THRAP3: variants seen among roughly 807,000 people sequenced by gnomAD.
THRAP3 encodes the protein thyroid hormone receptor associated protein 3, also known as thyroid hormone receptor-associated protein 3.
THRAP3 carries 16 observed loss-of-function variants against 101.0 expected under a neutral mutation model. The observed-to-expected ratio is 0.16, with a 90% CI of 0.11 to 0.24. THRAP3 has a LOEUF of 0.24. Among genes scored for constraint, THRAP3 ranks in the 10% least tolerant of loss-of-function variants. The pLI, the probability that THRAP3 is intolerant of heterozygous loss-of-function variation, is 1.00. For missense variants in THRAP3, 989 were observed against 1,202.7 expected (o/e 0.82, Z 2.63); for synonymous variants, 407 against 422.6 (o/e 0.96, Z 0.45).
intron 9 of THRAP3, among the ~76,000 whole-genome samples, chr1:36,297,603 C>T (rs1354659287): frequency 6.6e-6 from 1 of 151,816 alleles, no homozygotes; most frequent in Non-Finnish European, 1.5e-5. Flanking sequence ...TGCCCACTAC[C>T]ACGCCCAGCT....
At chr1:36,248,833 G>A (rs1286357962) in intron 1 of THRAP3, among the ~76,000 whole-genome samples, 2 of 151,954 alleles carry the variant, frequency 1.3e-5, no homozygotes, top group Non-Finnish European at 2.9e-5. Context: ...CCATGTACCA[G>A]GCATTGCGTT....
chr1:36,277,719 G>C (rs1270271213), intron 2 of THRAP3, among the ~76,000 whole-genome samples: 1 of 152,040 alleles, frequency 6.6e-6, no homozygotes, highest in Non-Finnish European at 1.5e-5. Flanking sequence ...AAAACCAAAT[G>C]AGTTTTTAGA....
chr1:36,293,792 A>G, intron 7 of THRAP3, 59 bp from the exon 8 acceptor site: 3 of 1,420,630 alleles, frequency 2.1e-6, no homozygotes, highest in South Asian at 2.4e-5. Context: ...GAGCTAGAAT[A>G]TTACCAGTAT....
At chr1:36,252,897 ACT>A (rs1645320304) in intron 1 of THRAP3, among the ~76,000 whole-genome samples, 1 of 141,462 alleles carries the variant, frequency 7.1e-6, no homozygotes, top group East Asian at 2.1e-4. Flanking sequence ...ACAGAGTGAG[ACT>A]CTGTCTCAAA....
rs1262743883 is a variant in THRAP3, at chr1:36,289,555, C to T, written c.1536C>T (p.His512=). 1 of 1,614,034 alleles carries T rather than the reference C, an allele frequency of 6.2e-7. No homozygotes were observed. Among genetic ancestry groups the T allele is most frequent in the Non-Finnish European group, 8.5e-7 (1 of 1,179,996 alleles). ...GGGGCAAGAGAAGCGAAGGTGGGCA[C>T]AGGGGCTTTGTGCCTGAGAAGAATT... is the stretch of plus-strand genomic sequence containing the variant. The part of the protein sequence containing the change: ...EDRGKRSEGG[H]RGFVPEKNFR... Residue 512 remains histidine (H), a synonymous_variant, in exon 5 of 12, where the codon CAC becomes CAT. Coordinates refer to ENST00000354618, the MANE Select transcript of THRAP3 (RefSeq NM_005119.4).
chr1:36,296,801 T>C, intron 9 of THRAP3, 31 bp downstream of exon 9: 1 of 1,518,570 alleles, frequency 6.6e-7, no homozygotes, highest in Non-Finnish European at 8.8e-7. Flanking sequence ...CCTTCCAGAC[T>C]CTTAAGTTTC....
the THRAP3 span, among the ~76,000 whole-genome samples, chr1:36,210,703 GTATATATATATATATATATATATATATA>G: frequency 3.7e-4 from 1 of 2,734 alleles, no homozygotes; most frequent in Non-Finnish European, 5.5e-4. Context: ...AAAAAAAAAA[GTATATATATATATATATATATATATATA>G]TATATCATAT....
At chr1:36,285,323 G>A (rs1645781728) in intron 3 of THRAP3, among the ~76,000 whole-genome samples, 1 of 152,194 alleles carries the variant, frequency 6.6e-6, no homozygotes, top group Non-Finnish European at 1.5e-5. Flanking sequence ...AGTGGTTAAT[G>A]TCAATGATCT....
upstream of THRAP3, among the ~76,000 whole-genome samples, chr1:36,222,233 T>C (rs900145416): frequency 6.6e-6 from 1 of 152,066 alleles, no homozygotes; most frequent in Non-Finnish European, 1.5e-5. Flanking sequence ...TATTAAAGTA[T>C]ATATATTTTA....
intron 1 of THRAP3, chr1:36,225,589 G>T (rs1343800600): frequency 6.7e-6 from 1 of 150,264 alleles, no homozygotes; most frequent in African/African-American, 2.5e-5. Flanking sequence ...TGTGCGCCGA[G>T]AGAGATGAGG....
upstream of THRAP3, among the ~76,000 whole-genome samples, chr1:36,223,721 C>T (rs1169495235): frequency 6.6e-6 from 1 of 152,118 alleles, no homozygotes; most frequent in African/African-American, 2.4e-5. Context: ...TTCAATACCC[C>T]AGTAGCACCC....
intron 9 of THRAP3, among the ~76,000 whole-genome samples, chr1:36,298,533 A>T (rs558127044): frequency 1.3e-5 from 2 of 152,098 alleles, no homozygotes; most frequent in Admixed American, 1.3e-4. Context: ...TTGCTCTGTC[A>T]CCCAGGCTGG....
intron 5 of THRAP3, among the ~76,000 whole-genome samples, 178 bp from the exon 6 acceptor site, chr1:36,291,196 G>T (rs1645863932): frequency 6.6e-6 from 1 of 152,230 alleles, no homozygotes; most frequent in South Asian, 2.1e-4. Context: ...AAAGAGAAGA[G>T]AGAGATTTTG....
Position 36,286,169 on chromosome 1 carries a change from C to T in THRAP3, c.138-199C>T, listed in dbSNP as rs1322927109. On this transcript the variant is annotated intron_variant, in intron 3 of 11. Transcript: ENST00000354618. The surrounding 1 kb of genome is among the most constrained non-coding windows in gnomAD (Gnocchi z 5.5). The stretch of plus-strand genomic sequence containing the variant: ...GAATGAAGTGACCTGTGTTTCATCA[C>T]TTGTTCAAATGATTCTTATCCATGT... Among the ~76,000 whole-genome samples, 1 of 152,182 alleles carries T rather than the reference C, an allele frequency of 6.6e-6. No homozygotes were observed. Among genetic ancestry groups the T allele is most frequent in the African/African-American group, 2.4e-5 (1 of 41,454 alleles).
intron 9 of THRAP3, among the ~76,000 whole-genome samples, chr1:36,298,420 C>T (rs1645981576): frequency 6.6e-6 from 1 of 152,214 alleles, no homozygotes; most frequent in Non-Finnish European, 1.5e-5. Context: ...CTCCCTGGAA[C>T]ACATGCCTAC....
chr1:36,222,702 C>T (rs1644910649), upstream of THRAP3, among the ~76,000 whole-genome samples: 1 of 152,198 alleles, frequency 6.6e-6, no homozygotes, highest in South Asian at 2.1e-4. Context: ...AGCCACCGCG[C>T]CCGGCCTATG....
chr1:36,288,942 C>A, intron 4 of THRAP3, 118 bp from the exon 5 acceptor site: 1 of 1,352,278 alleles, frequency 7.4e-7, no homozygotes, highest in East Asian at 2.7e-5. Flanking sequence ...TTTGGTAATA[C>A]AGGAATCCAT....
At chr1:36,234,432 A>G (rs1365648428) in intron 1 of THRAP3, among the ~76,000 whole-genome samples, 1 of 152,228 alleles carries the variant, frequency 6.6e-6, no homozygotes, top group Admixed American at 6.5e-5. Flanking sequence ...AAATGTAGAA[A>G]GTAAAAGTTT....
At chr1:36,221,768 T>C (rs1358360320), upstream of THRAP3, among the ~76,000 whole-genome samples, 1 of 151,000 alleles carries the variant, frequency 6.6e-6, no homozygotes, top group Non-Finnish European at 1.5e-5. Context: ...GTATTTTTAG[T>C]AGCGACGGAG....
Sources: gnomAD v4.1 joint callset for allele counts (sites outside exome capture counted in the v4.1 genomes callset) on GRCh38, gnomAD v4.1.1 for gene constraint, Gnocchi (gnomAD v3.1) non-coding constraint, MANE v1.5 for transcripts, NCBI Gene and HGNC (gene_info 2026-07-23, HGNC 2026-07-21) for gene names.